The following PBX1 variants were observed in gnomAD, a reference collection of about 807,000 sequenced individuals.
PBX1 encodes the protein PBX homeobox 1.
PBX1 carries 6 observed loss-of-function variants against 53.4 expected under a neutral mutation model. That is an observed-to-expected ratio of 0.11 (90% CI 0.06 to 0.22). The LOEUF is 0.22. PBX1 is among the 10% of genes least tolerant of loss of function. The pLI is 1.00. For synonymous variants in PBX1, 204 were observed against 212.3 expected (o/e 0.96, Z 0.34); for missense variants, 251 against 551.4 (o/e 0.46, Z 5.46).
At chr1:164,802,823 A>G (rs2102326576) in intron 4 of PBX1, among the ~76,000 whole-genome samples, 1 of 152,266 alleles carries the variant, frequency 6.6e-6, no homozygotes, top group African/African-American at 2.4e-5. Flanking sequence ...TATACCAAGC[A>G]TTGTGCCATA....
rs545221258 is a variant in PBX1, at chr1:164,668,701, G to A, written c.265+105390G>A. On this transcript the variant is annotated intron_variant, in intron 2 of 8. Coordinates refer to ENST00000420696, the MANE Select transcript of PBX1 (RefSeq NM_002585.4). Reference sequence around the variant, plus strand: ...GCCAACACTTGACATCTTTTTATCAGATGAGCTTGGCACTGCCAGGACCGG... The same window carrying A: ...GCCAACACTTGACATCTTTTTATCAAATGAGCTTGGCACTGCCAGGACCGG... 4.7e-4 allele frequency among the ~76,000 whole-genome samples: 72 copies of A among 152,264 alleles called. 1 individual carries two copies. The highest frequency in any genetic ancestry group is 1.7e-3 in the African/African-American group (71 of 41,528).
chr1:164,644,086 A>G (rs978025174), intron 2 of PBX1, among the ~76,000 whole-genome samples: 1 of 152,182 alleles, frequency 6.6e-6, no homozygotes, highest in Non-Finnish European at 1.5e-5. Flanking sequence ...AATGTCGATG[A>G]TGTCCCTAGT....
At chr1:164,803,152 C>A (rs1227257926) in intron 4 of PBX1, among the ~76,000 whole-genome samples, 1 of 152,172 alleles carries the variant, frequency 6.6e-6, no homozygotes, top group African/African-American at 2.4e-5. Flanking sequence ...TGAGCTCTTA[C>A]TATCTGCCCG....
chr1:164,881,809 T>C (rs1672666380), intron 2 of PBX1, among the ~76,000 whole-genome samples: 1 of 152,136 alleles, frequency 6.6e-6, no homozygotes, highest in African/African-American at 2.4e-5. Context: ...GGACTTACCC[T>C]AGGCCAACTA....
At chr1:164,656,518 T>C (rs1660176571) in intron 2 of PBX1, among the ~76,000 whole-genome samples, 3 of 152,164 alleles carry the variant, frequency 2.0e-5, no homozygotes, top group Admixed American at 2.0e-4. Flanking sequence ...ATAGTTTCAC[T>C]TCCCTGAAAC....
At position 164,784,041 on chromosome 1, in the gene PBX1, T is replaced by C. The variant is rs78920656; in HGVS notation, c.266-8453T>C. Among the ~76,000 whole-genome samples, 1,517 of 152,350 alleles carry C rather than the reference T, an allele frequency of 1.0e-2. 32 individuals carry two copies. The highest frequency in any genetic ancestry group is 0.034 in the African/African-American group (1,409 of 41,572). ...ACCAATGGCTCCACATTTTTCATGCTTTTTATGTGTAACTAAGAAGGAAAC... is the reference window on the plus strand; with the variant it reads ...ACCAATGGCTCCACATTTTTCATGCCTTTTATGTGTAACTAAGAAGGAAAC... On this transcript the variant is annotated intron_variant, in intron 2 of 8. Transcript: ENST00000420696.
chr1:164,830,389 CAT>C (rs1487007119), intron 8 of PBX1, among the ~76,000 whole-genome samples: 1 of 152,088 alleles, frequency 6.6e-6, no homozygotes, highest in Admixed American at 6.5e-5. Context: ...TAACACAAAA[CAT>C]AGAAAAGCAT....
intron 2 of PBX1, among the ~76,000 whole-genome samples, chr1:164,618,554 G>A (rs1037239948): frequency 6.6e-6 from 1 of 152,206 alleles, no homozygotes; most frequent in Non-Finnish European, 1.5e-5. Flanking sequence ...TTACACCCAA[G>A]TGAATAATCT....
chr1:164,744,339 T>C (rs1014060856), intron 2 of PBX1, among the ~76,000 whole-genome samples: 1 of 152,174 alleles, frequency 6.6e-6, no homozygotes, highest in African/African-American at 2.4e-5. Flanking sequence ...TGAATTGAGA[T>C]ATCAAAAATT....
At chr1:164,676,236 G>A (rs1004980133) in intron 2 of PBX1, among the ~76,000 whole-genome samples, 1 of 152,084 alleles carries the variant, frequency 6.6e-6, no homozygotes, top group African/African-American at 2.4e-5. Context: ...AAGTGCCTGG[G>A]CTTCTACATT....
At chr1:164,874,748 C>T (rs1672464814) in intron 2 of PBX1, among the ~76,000 whole-genome samples, 1 of 152,276 alleles carries the variant, frequency 6.6e-6, no homozygotes, top group African/African-American at 2.4e-5. Flanking sequence ...CCTGCCTTGG[C>T]CTCCCAAATT....
At chr1:164,669,430 A>T (rs1426430785) in intron 2 of PBX1, among the ~76,000 whole-genome samples, 1 of 152,150 alleles carries the variant, frequency 6.6e-6, no homozygotes, top group Admixed American at 6.5e-5. Flanking sequence ...AAATCCACAG[A>T]GGACATGGGG....
chr1:164,800,832 T>C (rs1669032991), intron 4 of PBX1, among the ~76,000 whole-genome samples: 1 of 152,234 alleles, frequency 6.6e-6, no homozygotes, highest in South Asian at 2.1e-4. Flanking sequence ...CAATCTGTTA[T>C]TTTTATCATT....
At chr1:164,567,576 A>G (rs1183972895) in intron 2 of PBX1, among the ~76,000 whole-genome samples, 2 of 152,136 alleles carry the variant, frequency 1.3e-5, no homozygotes, top group African/African-American at 4.8e-5. Context: ...GTTAGACCCT[A>G]TATTATTTAT....
intron 2 of PBX1, chr1:164,605,529 TTGGCTGTGCTGA>T (rs1345932028): frequency 6.6e-6 from 1 of 152,166 alleles, no homozygotes; most frequent in East Asian, 1.9e-4. Context: ...GTTTTCCTGA[TTGGCTGTGCTGA>T]TGGCTTTTAC....
chr1:164,808,264 G>C (rs1185248129), intron 5 of PBX1, among the ~76,000 whole-genome samples: 4 of 152,188 alleles, frequency 2.6e-5, no homozygotes, highest in Non-Finnish European at 5.9e-5. Context: ...AACAGGTGGT[G>C]TCTGATGACT....
intron 2 of PBX1, among the ~76,000 whole-genome samples, chr1:164,718,836 T>A (rs1447980091): frequency 6.6e-6 from 1 of 152,188 alleles, no homozygotes; most frequent in African/African-American, 2.4e-5. Flanking sequence ...GAATTTTAGA[T>A]TTCAAAATGT....
intron 2 of PBX1, among the ~76,000 whole-genome samples, chr1:164,739,872 G>A (rs1352413234): frequency 6.6e-6 from 1 of 151,706 alleles, no homozygotes; most frequent in Non-Finnish European, 1.5e-5. Flanking sequence ...TGAACTCTTC[G>A]ATTAACATTT....
chr1:164,663,255 TGCC>T (rs1247821177), intron 2 of PBX1, among the ~76,000 whole-genome samples: 1 of 142,916 alleles, frequency 7.0e-6, no homozygotes, highest in African/African-American at 2.5e-5. Flanking sequence ...CCTTCCTGCC[TGCC>T]TGCCTGCCTG....
Sources: gnomAD v4.1 joint callset for allele counts (sites outside exome capture counted in the v4.1 genomes callset) on GRCh38, gnomAD v4.1.1 for gene constraint, MANE v1.5 for transcripts, NCBI Gene and HGNC (gene_info 2026-07-23, HGNC 2026-07-21) for gene names.